EYS: variants seen among roughly 807,000 people sequenced by gnomAD.
EYS encodes the protein EGF-like photoreceptor maintenance factor.
In EYS, 250 loss-of-function variants were observed where a neutral mutation model predicts 282.1. The observed-to-expected ratio is 0.89, with a 90% confidence interval of 0.80 to 0.98. The LOEUF is 0.98. Among genes scored for constraint, EYS ranks in the 50% least tolerant of loss-of-function variants. EYS has a pLI of 0.00. For synonymous variants in EYS, 1,355 were observed against 1,282.9 expected (o/e 1.06, Z -1.20); for missense variants, 4,016 against 3,709.0 (o/e 1.08, Z -2.15).
At position 65,246,733 on chromosome 6, in the gene EYS, C is replaced by A. The variant is rs549516950; in HGVS notation, c.2023+49130G>T. Among the ~76,000 whole-genome samples, 3 of 152,178 alleles carry A rather than the reference C, an allele frequency of 2.0e-5. No homozygotes were observed. In the South Asian group the frequency reaches 6.2e-4, roughly 32 times the overall value. On this transcript the variant is annotated intron_variant, in intron 12 of 42. Coordinates refer to ENST00000503581, the MANE Select transcript of EYS (RefSeq NM_001142800.2). ...ATACACACACACATGTATGCGTGCT[C>A]GCTCGCACTCTCTTTCATACGTTCT...
intron 31 of EYS, among the ~76,000 whole-genome samples, chr6:64,175,775 C>T (rs1562238870): frequency 6.6e-6 from 1 of 152,012 alleles, no homozygotes; most frequent in South Asian, 2.1e-4. Flanking sequence ...GCAACTGTGG[C>T]TAGAATAAGA....
chr6:65,096,009 A>T (rs1774729544), intron 12 of EYS, among the ~76,000 whole-genome samples: 1 of 151,124 alleles, frequency 6.6e-6, no homozygotes. Context: ...TTAAACGTTT[A>T]TCTGTTTGGA....
intron 22 of EYS, among the ~76,000 whole-genome samples, chr6:64,752,608 T>C (rs753257052): frequency 4.6e-5 from 7 of 152,126 alleles, no homozygotes; most frequent in African/African-American, 7.2e-5. Context: ...GAAAACTACC[T>C]TAGTCTTGCT....
intron 22 of EYS, among the ~76,000 whole-genome samples, chr6:64,695,273 C>T (rs113951219): frequency 1.3e-5 from 2 of 152,240 alleles, no homozygotes; most frequent in African/African-American, 2.4e-5. Context: ...ATGCAGCTGA[C>T]TCCCACCTGA....
chr6:64,544,925 A>G (rs913823967), intron 26 of EYS, among the ~76,000 whole-genome samples: 2 of 152,176 alleles, frequency 1.3e-5, no homozygotes, highest in African/African-American at 2.4e-5. Context: ...ATTCACAGCC[A>G]AATTCTACCA....
At chr6:64,366,461 T>C (rs577801552) in intron 29 of EYS, among the ~76,000 whole-genome samples, 95 of 152,158 alleles carry the variant, frequency 6.2e-4, no homozygotes, top group African/African-American at 2.1e-3. Context: ...ATAAATTTTA[T>C]CTATTGCTTT....
intron 35 of EYS, among the ~76,000 whole-genome samples, chr6:63,906,099 T>C (rs547497553): frequency 3.3e-5 from 5 of 152,326 alleles, no homozygotes; most frequent in Admixed American, 2.6e-4. Context: ...TGCGTCAATC[T>C]CTAATTTGTT....
chr6:65,467,181 T>G (rs1765033249), intron 5 of EYS, among the ~76,000 whole-genome samples: 1 of 152,212 alleles, frequency 6.6e-6, no homozygotes, highest in South Asian at 2.1e-4. Flanking sequence ...CTAACAGATA[T>G]CAGTCTGTAG....
chr6:64,640,463 G>C (rs1461977304), intron 22 of EYS, among the ~76,000 whole-genome samples: 3 of 151,680 alleles, frequency 2.0e-5, no homozygotes, highest in African/African-American at 7.3e-5. Flanking sequence ...GTAAACTATC[G>C]CAAGGACAAG....
At chr6:64,459,546 A>G (rs927667643) in intron 26 of EYS, among the ~76,000 whole-genome samples, 2 of 152,150 alleles carry the variant, frequency 1.3e-5, no homozygotes, top group Admixed American at 6.5e-5. Context: ...TGAGTCCCCA[A>G]ACCACAAAAG....
At chr6:64,125,475 G>A (rs1188654733) in intron 31 of EYS, among the ~76,000 whole-genome samples, 2 of 151,842 alleles carry the variant, frequency 1.3e-5, no homozygotes, top group Non-Finnish European at 2.9e-5. Context: ...TGGAAGGAGT[G>A]AAGTTTAAAA....
rs1317261853 is a variant in EYS, at chr6:64,686,749, ATATATATATATATGTGTG to A, written c.3444-60522_3444-60505del. ...AGAGCAAGATTCCATCTAAATATAT[ATATATATATATATGTGTG>A]TATATATATATATATATATATGTGT... is the stretch of plus-strand genomic sequence containing the variant. On this transcript the variant is annotated intron_variant, in intron 22 of 42. Coordinates refer to ENST00000503581, the MANE Select transcript of EYS (RefSeq NM_001142800.2). Among the ~76,000 whole-genome samples, 12 of 27,412 alleles carry A rather than the reference ATATATATATATATGTGTG, an allele frequency of 4.4e-4. 3 individuals carry two copies. Among genetic ancestry groups the A allele is most frequent in the Non-Finnish European group, 1.1e-3 (11 of 9,688 alleles). 18.0% of individuals were successfully genotyped at this position (27,412 alleles called of 152,430 possible). A position where few individuals can be genotyped will look rare whatever the true frequency, so the allele number is the denominator to read the frequency against.
intron 12 of EYS, among the ~76,000 whole-genome samples, chr6:65,058,064 G>A (rs1345215250): frequency 1.3e-5 from 2 of 152,114 alleles, no homozygotes; most frequent in Admixed American, 1.3e-4. Flanking sequence ...CAAATGTTAG[G>A]TGAAAGGAAA....
At chr6:64,393,520 A>C (rs931283134) in intron 28 of EYS, among the ~76,000 whole-genome samples, 4 of 152,166 alleles carry the variant, frequency 2.6e-5, no homozygotes, top group African/African-American at 9.7e-5. Flanking sequence ...AACAGAGTCA[A>C]AGACAAAAAC....
At chr6:64,337,190 AG>A (rs1770885013) in intron 29 of EYS, among the ~76,000 whole-genome samples, 1 of 152,112 alleles carries the variant, frequency 6.6e-6, no homozygotes, top group South Asian at 2.1e-4. Context: ...TGAAACAAAA[AG>A]CTGGTTCTTT....
intron 5 of EYS, among the ~76,000 whole-genome samples, chr6:65,460,521 C>A (rs144402045): frequency 0.012 from 1,802 of 151,966 alleles, 20 homozygotes; most frequent in Non-Finnish European, 0.017. Context: ...ACCTTATGAC[C>A]AGGCCAGTTG....
intron 36 of EYS, among the ~76,000 whole-genome samples, chr6:63,827,345 T>C (rs143101766): frequency 1.8e-3 from 278 of 152,332 alleles, no homozygotes; most frequent in African/African-American, 6.2e-3. Flanking sequence ...AATACTCCAC[T>C]GGCAGCACTA....
intron 22 of EYS, among the ~76,000 whole-genome samples, chr6:64,757,792 T>C (rs1237679329): frequency 7.3e-6 from 1 of 136,958 alleles, no homozygotes; most frequent in Non-Finnish European, 1.6e-5. Flanking sequence ...GTGTGTTTTG[T>C]TTGTTTGTTT....
intron 2 of EYS, among the ~76,000 whole-genome samples, chr6:65,621,405 G>C (rs1582530963): frequency 6.6e-6 from 1 of 151,156 alleles, no homozygotes; most frequent in South Asian, 2.1e-4. Context: ...CCATTGGCTT[G>C]GTAGATCTTC....
Sources: gnomAD v4.1 joint callset for allele counts (sites outside exome capture counted in the v4.1 genomes callset) on GRCh38, gnomAD v4.1.1 for gene constraint, MANE v1.5 for transcripts, NCBI Gene and HGNC (gene_info 2026-07-23, HGNC 2026-07-21) for gene names.